Variants in PDE8A observed in about 807,000 individuals in gnomAD.
The protein encoded by PDE8A is phosphodiesterase 8A.
Under a neutral mutation model 105.0 loss-of-function variants are expected in PDE8A, and 59 were observed. The ratio of observed to expected loss-of-function variants is 0.56; its 90% confidence interval spans 0.46 to 0.70. The LOEUF (loss-of-function observed/expected upper bound fraction) is 0.70. Among genes scored for constraint, PDE8A ranks in the 30% least tolerant of loss-of-function variants. PDE8A has a pLI of 0.00. For missense variants in PDE8A, 1,014 were observed against 1,045.9 expected (o/e 0.97, Z 0.42); for synonymous variants, 355 against 371.9 (o/e 0.95, Z 0.52).
intron 5 of PDE8A, among the ~76,000 whole-genome samples, chr15:85,081,217 T>A (rs938669835): frequency 1.3e-5 from 2 of 152,074 alleles, no homozygotes; most frequent in Non-Finnish European, 2.9e-5. Context: ...CATGAGCTAT[T>A]TTGTGTTTTA....
rs2082045281 is a variant in PDE8A at position 85,113,284 on chromosome 15, T to C, written c.1115-93T>C. 2.9e-6 allele frequency: 3 copies of C among 1,033,370 alleles called. No individual in the cohort carries two copies. The African/African-American group carries it at 4.7e-5, about 16-fold the overall frequency. 64.0% of individuals were successfully genotyped at this position (1,033,370 alleles called of 1,614,324 possible). On this transcript the variant is annotated intron_variant, in intron 12 of 21. Coordinates refer to ENST00000394553, the MANE Select transcript of PDE8A (RefSeq NM_002605.3). The stretch of plus-strand genomic sequence containing the variant: ...AGCAAACTCAGTTCTATCCTGCCCC[T>C]TCATCATGCAGCCGAGCACACTGAG...
In PDE8A at chr15:85,109,150, GA is replaced by G. The variant is rs1234649092; in HGVS notation, c.1114+27del. ...CTGAAGGTGAGTGACAAAGACAAGA[GA>G]AAAAAATGTGATCAAATCACTGTTG... On this transcript the variant is annotated intron_variant, in intron 12 of 21. Coordinates refer to ENST00000394553, the MANE Select transcript of PDE8A (RefSeq NM_002605.3). 7 of 1,557,210 alleles carry G rather than the reference GA, an allele frequency of 4.5e-6. No individual in the cohort carries two copies. In the African/African-American group the frequency reaches 5.4e-5, roughly 12 times the overall value.
At chr15:85,052,332 A>G (rs974192577) in intron 1 of PDE8A, among the ~76,000 whole-genome samples, 11 of 152,246 alleles carry the variant, frequency 7.2e-5, no homozygotes, top group African/African-American at 2.7e-4. Flanking sequence ...CTTTGGGTAT[A>G]TACCCAGTAA....
intron 1 of PDE8A, among the ~76,000 whole-genome samples, chr15:85,017,227 G>A (rs192382690): frequency 6.7e-6 from 1 of 150,094 alleles, no homozygotes; most frequent in East Asian, 1.9e-4. Context: ...CGCCACTGCA[G>A]TCCGCAGTCC....
intron 1 of PDE8A, among the ~76,000 whole-genome samples, chr15:85,029,416 C>CT (rs34741081): frequency 0.54 from 75,796 of 139,518 alleles, 20,592 homozygotes; most frequent in East Asian, 0.57. Flanking sequence ...CCTCACGGGT[C>CT]TTTTTTTTTT....
intron 7 of PDE8A, among the ~76,000 whole-genome samples, chr15:85,090,204 A>C (rs67698215): frequency 0.093 from 14,161 of 152,168 alleles, 1,786 homozygotes; most frequent in African/African-American, 0.29. Context: ...GCTTCAGCTG[A>C]ACAACTTTGG....
At chr15:85,109,543 T>C (rs551743690) in intron 12 of PDE8A, among the ~76,000 whole-genome samples, 2 of 152,308 alleles carry the variant, frequency 1.3e-5, no homozygotes, top group South Asian at 4.2e-4. Context: ...ATTCAGCAAA[T>C]ATTTAAGTTC....
At chr15:85,107,962 A>G (rs2081969720) in intron 11 of PDE8A, among the ~76,000 whole-genome samples, 4 of 152,146 alleles carry the variant, frequency 2.6e-5, no homozygotes, top group Admixed American at 2.6e-4. Flanking sequence ...ACTAGAAAGG[A>G]GTAGTAAGAA....
intron 18 of PDE8A, 37 bp from the exon 19 acceptor site, chr15:85,123,024 T>C (rs1432894230): frequency 1.9e-6 from 3 of 1,609,390 alleles, no homozygotes; most frequent in Non-Finnish European, 2.6e-6. Flanking sequence ...TCTGGATCAG[T>C]AATTTGTAGC....
chr15:85,076,153 A>G (rs2081377633), intron 4 of PDE8A, among the ~76,000 whole-genome samples: 1 of 152,208 alleles, frequency 6.6e-6, no homozygotes, highest in Non-Finnish European at 1.5e-5. Context: ...AAACAGGCGA[A>G]CTATGAGAGA....
At chr15:85,130,973 T>C (rs1215850031) in intron 20 of PDE8A, among the ~76,000 whole-genome samples, 1 of 152,082 alleles carries the variant, frequency 6.6e-6, no homozygotes, top group African/African-American at 2.4e-5. Flanking sequence ...GTCAGGCTGG[T>C]CTCTAACTCC....
At chr15:85,073,282 A>G (rs2081338514) in intron 3 of PDE8A, among the ~76,000 whole-genome samples, 2 of 152,154 alleles carry the variant, frequency 1.3e-5, no homozygotes, top group African/African-American at 4.8e-5. Flanking sequence ...CCTAGTTTTC[A>G]TGAATTCCAA....
chr15:85,108,505 C>A (rs1026506071), intron 11 of PDE8A, among the ~76,000 whole-genome samples: 2 of 152,058 alleles, frequency 1.3e-5, no homozygotes, highest in African/African-American at 4.8e-5. Flanking sequence ...CAAAGACAGT[C>A]CCCGTTTGAA....
chr15:85,044,151 G>A (rs1457478241), intron 1 of PDE8A, among the ~76,000 whole-genome samples: 1 of 152,170 alleles, frequency 6.6e-6, no homozygotes, highest in Non-Finnish European at 1.5e-5. Flanking sequence ...TTTACTCATT[G>A]TCAGGCATTG....
chr15:85,032,848 C>T (rs2080638499), intron 1 of PDE8A, among the ~76,000 whole-genome samples: 1 of 152,098 alleles, frequency 6.6e-6, no homozygotes, highest in Admixed American at 6.5e-5. Flanking sequence ...TCACTTTTTA[C>T]TTTTTTCCTC....
chr15:84,992,911 T>C (rs1274655450), intron 1 of PDE8A, among the ~76,000 whole-genome samples: 2 of 152,164 alleles, frequency 1.3e-5, no homozygotes, highest in African/African-American at 2.4e-5. Flanking sequence ...TTTCCCTGTT[T>C]AAGGCCTAAA....
chr15:85,024,504 A>G (rs1439596089), intron 1 of PDE8A, among the ~76,000 whole-genome samples: 2 of 149,536 alleles, frequency 1.3e-5, no homozygotes, highest in African/African-American at 4.9e-5. Flanking sequence ...TTAGTGACCA[A>G]CTAATTTCTA....
intron 1 of PDE8A, among the ~76,000 whole-genome samples, chr15:84,997,396 A>G (rs2079997284): frequency 6.6e-6 from 1 of 151,682 alleles, no homozygotes. Flanking sequence ...GGGTCTTGCT[A>G]TATTGTCCAG....
chr15:85,026,791 A>C (rs947955185), intron 1 of PDE8A, among the ~76,000 whole-genome samples: 2 of 152,148 alleles, frequency 1.3e-5, no homozygotes, highest in Non-Finnish European at 2.9e-5. Flanking sequence ...CAAAACAAAA[A>C]AACTAAATTT....
Sources: allele counts gnomAD v4.1 joint callset (sites outside exome capture counted in the v4.1 genomes callset), GRCh38; gene constraint gnomAD v4.1.1; transcripts MANE v1.5; gene names NCBI Gene and HGNC (gene_info 2026-07-23, HGNC 2026-07-21).